DYNC2H1: variants seen among roughly 807,000 people sequenced by gnomAD.
DYNC2H1 encodes the protein dynein cytoplasmic 2 heavy chain 1.
In DYNC2H1, 410 loss-of-function variants were observed where a neutral mutation model predicts 570.0. The observed-to-expected ratio is 0.72, with a 90% CI of 0.66 to 0.78. The LOEUF (loss-of-function observed/expected upper bound fraction) is 0.78. Among genes scored for constraint, DYNC2H1 ranks in the 30% least tolerant of loss-of-function variants. The probability of loss-of-function intolerance (pLI) is 0.00; values close to 1 mark genes in which losing one functional copy is unlikely to be tolerated. For synonymous variants in DYNC2H1, 1,688 were observed against 1,677.6 expected, an observed-to-expected ratio of 1.01 and a Z score of -0.15; for missense variants, 4,865 against 5,046.4, an observed-to-expected ratio of 0.96 and a Z score of 1.09.
At chr11:103,384,657 A>G (rs1941801853) in intron 83 of DYNC2H1, among the ~76,000 whole-genome samples, 1 of 152,154 alleles carries the variant, frequency 6.6e-6, no homozygotes, top group Non-Finnish European at 1.5e-5. Flanking sequence ...GTATATTTGC[A>G]TAACTCCCAG....
intron 73 of DYNC2H1, among the ~76,000 whole-genome samples, chr11:103,284,438 T>C (rs970388512): frequency 6.6e-6 from 1 of 152,218 alleles, no homozygotes; most frequent in Non-Finnish European, 1.5e-5. Context: ...GACTCTGCCA[T>C]GAACAAACTT....
intron 11 of DYNC2H1, 47 bp from the exon 12 acceptor site, chr11:103,125,053 A>G: frequency 6.8e-7 from 1 of 1,459,962 alleles, no homozygotes; most frequent in Non-Finnish European, 9.4e-7. Context: ...TATTAGTCAA[A>G]ACAGTGAGAA....
chr11:103,339,643 CG>C (rs35307594), intron 82 of DYNC2H1, among the ~76,000 whole-genome samples: 32,975 of 152,022 alleles, frequency 0.22, 3,709 homozygotes, highest in Admixed American at 0.31. Flanking sequence ...GGGGGAGAGG[CG>C]ATGCATGTAC....
At chr11:103,413,501 A>T (rs757839796) in intron 84 of DYNC2H1, among the ~76,000 whole-genome samples, 2 of 152,204 alleles carry the variant, frequency 1.3e-5, no homozygotes, top group African/African-American at 4.8e-5. Context: ...ATCCTGGTAG[A>T]GCATTAAAGC....
rs1555071078 is a variant in DYNC2H1 at position 103,214,443 on chromosome 11, C to CT, written c.8695-1276dup. 3.8e-4 allele frequency among the ~76,000 whole-genome samples: 20 copies of CT among 51,970 alleles called. 1 individual carries two copies. Among genetic ancestry groups the CT allele is most frequent in the South Asian group, 6.3e-4 (1 of 1,588 alleles). The allele number at this position is 51,970 out of a possible 152,430, so 34.1% of individuals were successfully genotyped here. On this transcript the variant is annotated intron_variant, in intron 54 of 88. Coordinates refer to ENST00000375735, the MANE Select transcript of DYNC2H1 (RefSeq NM_001377.3). Reference sequence around the variant, plus strand: ...CATTTTAACAATACTAGTACTTCTTCTTCTTTTTTTTTTTTTTTTGAGTAG... The same window carrying CT: ...CATTTTAACAATACTAGTACTTCTTCTTTCTTTTTTTTTTTTTTTTGAGTAG...
intron 87 of DYNC2H1, among the ~76,000 whole-genome samples, chr11:103,459,141 C>G (rs1270815455): frequency 2.0e-5 from 3 of 150,256 alleles, no homozygotes; most frequent in Non-Finnish European, 4.4e-5. Flanking sequence ...AACCCCGTCT[C>G]TACTAAAAAT....
intron 73 of DYNC2H1, among the ~76,000 whole-genome samples, chr11:103,283,673 G>C (rs1866233202): frequency 6.6e-6 from 1 of 152,056 alleles, no homozygotes; most frequent in Non-Finnish European, 1.5e-5. Flanking sequence ...AATTTTCCTT[G>C]TGTCACAGAT....
chr11:103,207,241 TTA>T lies in DYNC2H1; in HGVS notation c.8454+2278_8454+2279del, dbSNP rs1491154227. ...TGGGCCTGTTTTTTTTTTTTTTTTT[TTA>T]AAAAAAGATGGGACACACTATAGTA... On this transcript the variant is annotated intron_variant, in intron 52 of 88. Coordinates refer to ENST00000375735, the MANE Select transcript of DYNC2H1 (RefSeq NM_001377.3). Among the ~76,000 whole-genome samples the T allele has an allele frequency of 8.7e-4, 22 of 25,432 alleles. 1 individual carries two copies. The highest frequency in any genetic ancestry group is 2.3e-3 in the Admixed American group (5 of 2,172). The allele number at this position is 25,432 out of a possible 152,430, so 16.7% of individuals were successfully genotyped here.
intron 82 of DYNC2H1, among the ~76,000 whole-genome samples, chr11:103,332,520 A>G (rs1938868972): frequency 6.6e-6 from 1 of 152,166 alleles, no homozygotes; most frequent in Admixed American, 6.5e-5. Context: ...TACTGACCCT[A>G]GCAGCGGGGT....
intron 34 of DYNC2H1, among the ~76,000 whole-genome samples, chr11:103,172,334 CT>C (rs1861609114): frequency 6.6e-6 from 1 of 152,086 alleles, no homozygotes; most frequent in South Asian, 2.1e-4. Context: ...CTTATTATCC[CT>C]TGTGCTATAG....
intron 83 of DYNC2H1, among the ~76,000 whole-genome samples, chr11:103,388,757 T>C (rs1363546203): frequency 2.0e-5 from 3 of 152,162 alleles, no homozygotes; most frequent in East Asian, 1.9e-4. Context: ...ATTGAGGTGA[T>C]AATAAGGTGG....
chr11:103,479,489 C>A lies in DYNC2H1; in HGVS notation c.*236C>A. 2.7e-6 allele frequency: 1 copy of A among 371,402 alleles called. No individual in the cohort carries two copies. Among genetic ancestry groups the A allele is most frequent in the Non-Finnish European group, 4.4e-6 (1 of 228,986 alleles). The allele number at this position is 371,402 out of a possible 1,614,324, so 23.0% of individuals were successfully genotyped here. A position where few individuals can be genotyped will look rare whatever the true frequency, so the allele number is the denominator to read the frequency against. ...ATTCTTTTGACAACATTAAATATTT[C>A]TGTGAGAAAGTTCACTTTTCCAGTG... On this transcript the variant is annotated 3_prime_UTR_variant, in exon 89 of 89. Transcript: ENST00000375735.
At chr11:103,340,747 C>T (rs1175954451) in intron 82 of DYNC2H1, among the ~76,000 whole-genome samples, 1 of 152,032 alleles carries the variant, frequency 6.6e-6, no homozygotes, top group Non-Finnish European at 1.5e-5. Flanking sequence ...GTACACCTTT[C>T]GTAACTATTG....
intron 18 of DYNC2H1, among the ~76,000 whole-genome samples, 175 bp downstream of exon 18, chr11:103,143,570 C>T: frequency 6.6e-6 from 1 of 151,974 alleles, no homozygotes; most frequent in East Asian, 1.9e-4. Flanking sequence ...AACAAGTTTT[C>T]CTTCTAGAAG....
chr11:103,170,970 C>A lies in DYNC2H1; in HGVS notation c.5236C>A (p.Leu1746Met). The stretch of plus-strand genomic sequence containing the variant: ...GGGTTGTTTTGATGAATTTAATAGG[C>A]TGGAAGAATCTGTACTGTCAGCAGT... Reference protein sequence around the residue: ...AWGCFDEFNRLEESVLSAVSM... With the variant: ...AWGCFDEFNRMEESVLSAVSM... Residue 1746 changes from leucine (L) to methionine (M), a missense_variant, in exon 34 of 89, where the codon CTG becomes ATG. Leu to Met is a conservative substitution (Grantham distance 15). Coordinates refer to ENST00000375735, the MANE Select transcript of DYNC2H1 (RefSeq NM_001377.3). This position sits in a 1 kb window ranked among gnomAD's most constrained non-coding sequence, Gnocchi z 4.8. 6.2e-7 allele frequency: 1 copy of A among 1,609,388 alleles called. No individual in the cohort carries two copies. Among genetic ancestry groups the A allele is most frequent in the Non-Finnish European group, 8.5e-7 (1 of 1,177,082 alleles).
chr11:103,256,214 T>C lies in DYNC2H1; in HGVS notation c.10435T>C (p.Tyr3479His). Reference sequence around the variant, plus strand: ...TATTCAAGAGTCACTTAAAGAATCTTACAAACTCCAAATTTCCCTTGATCA... The same window carrying C: ...TATTCAAGAGTCACTTAAAGAATCTCACAAACTCCAAATTTCCCTTGATCA... ...ALIQESLKES[Y>H]KLQISLDQER... The change falls in exon 68 of 89, where the codon TAC (tyrosine) becomes CAC (histidine). Residue 3479 changes from tyrosine (Y) to histidine (H), a missense_variant. Physicochemically the swap from Tyr to His is moderately conservative, Grantham distance 83 (BLOSUM62 2). Transcript: ENST00000375735. This position sits in a 1 kb window ranked among gnomAD's most constrained non-coding sequence, Gnocchi z 4.0. 2 of 1,603,508 alleles carry C rather than the reference T, an allele frequency of 1.2e-6. No homozygotes were observed. Among genetic ancestry groups the C allele is most frequent in the Non-Finnish European group, 1.7e-6 (2 of 1,176,032 alleles).
intron 63 of DYNC2H1, among the ~76,000 whole-genome samples, chr11:103,237,553 T>TA (rs35629027): frequency 0.11 from 16,427 of 152,022 alleles, 1,035 homozygotes; most frequent in East Asian, 0.22. Context: ...AATTTACTTT[T>TA]AAAATTTTTT....
chr11:103,368,559 A>C (rs979835118), intron 83 of DYNC2H1, among the ~76,000 whole-genome samples: 14 of 151,936 alleles, frequency 9.2e-5, no homozygotes, highest in Non-Finnish European at 1.0e-4. Context: ...CACTCTGTTA[A>C]TTGTTTCCTT....
intron 84 of DYNC2H1, chr11:103,404,276 A>C (rs1350938347): frequency 2.6e-5 from 4 of 151,644 alleles, no homozygotes; most frequent in African/African-American, 9.7e-5. Flanking sequence ...GCTAGAAACC[A>C]GTTTCAGGAG....
Sources: allele counts gnomAD v4.1 joint callset (sites outside exome capture counted in the v4.1 genomes callset), GRCh38; gene constraint gnomAD v4.1.1; non-coding constraint Gnocchi (gnomAD v3.1); transcripts MANE v1.5; gene names NCBI Gene and HGNC (gene_info 2026-07-23, HGNC 2026-07-21).